Variants in ADAMTS7 observed in about 807,000 individuals in gnomAD.
The protein encoded by ADAMTS7 is A disintegrin and metalloproteinase with thrombospondin motifs 7.
In ADAMTS7, 89 loss-of-function variants were observed where a neutral mutation model predicts 172.6. The ratio of observed to expected loss-of-function variants is 0.52; its 90% confidence interval spans 0.43 to 0.61. The LOEUF (loss-of-function observed/expected upper bound fraction) is 0.61, where lower values mean the gene tolerates loss of function less well. ADAMTS7 is among the 20% of genes least tolerant of loss of function. The pLI, the probability that ADAMTS7 is intolerant of heterozygous loss-of-function variation, is 0.00. For missense variants in ADAMTS7, 1,973 were observed against 2,355.6 expected, an observed-to-expected ratio of 0.84 and a Z score of 3.36; for synonymous variants, 885 against 978.4, an observed-to-expected ratio of 0.90 and a Z score of 1.78.
chr15:78,784,375 A>G (rs2055472429), intron 8 of ADAMTS7, among the ~76,000 whole-genome samples: 1 of 130,134 alleles, frequency 7.7e-6, no homozygotes, highest in Admixed American at 7.7e-5. Context: ...AGAAAGAAAG[A>G]CAGAGAGAGA....
intron 6 of ADAMTS7, among the ~76,000 whole-genome samples, chr15:78,790,088 C>T (rs1038681423): frequency 6.6e-6 from 1 of 152,214 alleles, no homozygotes; most frequent in Admixed American, 6.5e-5. Flanking sequence ...TACTATCCAG[C>T]AGGGGTGCTG....
At chr15:78,797,344 A>T (rs116389769) in intron 3 of ADAMTS7, among the ~76,000 whole-genome samples, 1 of 152,246 alleles carries the variant, frequency 6.6e-6, no homozygotes, top group Admixed American at 6.5e-5. Flanking sequence ...GCCTCTGTGG[A>T]TATGTGCTCC....
At chr15:78,791,036 G>A (rs189373444) in intron 5 of ADAMTS7, 104 bp downstream of exon 5, 129 of 1,379,894 alleles carry the variant, frequency 9.3e-5, no homozygotes, top group Middle Eastern at 7.5e-4. Flanking sequence ...GGCCAAGGCG[G>A]CCTTCACTGT....
At chr15:78,776,717 C>A in intron 10 of ADAMTS7, 32 bp downstream of exon 10, 1 of 1,533,820 alleles carries the variant, frequency 6.5e-7, no homozygotes, top group Non-Finnish European at 8.8e-7. Context: ...GCCTCTCACA[C>A]ACCCACTGCC....
chr15:78,793,722 C>T (rs192648657), intron 4 of ADAMTS7, among the ~76,000 whole-genome samples: 1 of 152,224 alleles, frequency 6.6e-6, no homozygotes, highest in Admixed American at 6.5e-5. Flanking sequence ...AGCGATGGCT[C>T]TCAACAAGTC....
intron 23 of ADAMTS7, 137 bp downstream of exon 23, chr15:78,762,265 TG>T (rs1596169155): frequency 2.7e-6 from 3 of 1,127,576 alleles, no homozygotes; most frequent in African/African-American, 3.2e-5. Flanking sequence ...GGATTTTCAG[TG>T]GCCATGTGGC....
At chr15:78,790,305 C>A (rs556062515) in intron 6 of ADAMTS7, among the ~76,000 whole-genome samples, 24 of 152,210 alleles carry the variant, frequency 1.6e-4, no homozygotes, top group African/African-American at 5.8e-4. Context: ...CACACACACA[C>A]ACAAAGGGAA....
intron 8 of ADAMTS7, among the ~76,000 whole-genome samples, chr15:78,785,412 G>C (rs1193948849): frequency 6.6e-6 from 1 of 151,982 alleles, no homozygotes; most frequent in African/African-American, 2.4e-5. Context: ...GCTGGGCAGG[G>C]GTGGCAGGTG....
intron 14 of ADAMTS7, among the ~76,000 whole-genome samples, chr15:78,772,141 GC>G (rs2055262074): frequency 6.6e-6 from 1 of 152,076 alleles, no homozygotes; most frequent in Non-Finnish European, 1.5e-5. Flanking sequence ...AAGTGCCCAG[GC>G]CTTTCTCCTG....
chr15:78,779,265 T>G (rs1235788153), intron 8 of ADAMTS7, among the ~76,000 whole-genome samples: 1 of 152,186 alleles, frequency 6.6e-6, no homozygotes, highest in East Asian at 1.9e-4. Context: ...CATGCCAGGC[T>G]GGTCCAGGGT....
intron 8 of ADAMTS7, 101 bp from the exon 9 acceptor site, chr15:78,777,689 G>C (rs2055370938): frequency 7.0e-7 from 1 of 1,432,326 alleles, no homozygotes. Context: ...AGGGGGCACA[G>C]AGCCCTACAA....
rs2141467763 is a variant in ADAMTS7, at chr15:78,762,215, C to T, written c.4903+188G>A. On this transcript the variant is annotated intron_variant, in intron 23 of 23. Coordinates refer to ENST00000388820, the MANE Select transcript of ADAMTS7 (RefSeq NM_014272.5). ...GCCGGGACTCCCCTTGACTGACTCC[C>T]AGCACAGCCCAGCCTCCAGCATGGC... 4.1e-6 allele frequency: 3 copies of T among 736,116 alleles called. No homozygotes were observed. In the South Asian group the frequency reaches 1.8e-4, roughly 45 times the overall value. 45.6% of individuals were successfully genotyped at this position (736,116 alleles called of 1,614,324 possible).
intron 23 of ADAMTS7, among the ~76,000 whole-genome samples, chr15:78,761,141 T>A (rs1195669378): frequency 6.6e-6 from 1 of 151,830 alleles, no homozygotes; most frequent in African/African-American, 2.4e-5. Flanking sequence ...GGCCTTGAGG[T>A]TTGAGGCAGG....
In ADAMTS7 at chr15:78,777,771, C is replaced by T. The variant is rs941706501; in HGVS notation, c.1323-183G>A. On this transcript the variant is annotated intron_variant, in intron 8 of 23. Coordinates refer to ENST00000388820, the MANE Select transcript of ADAMTS7 (RefSeq NM_014272.5). Reference sequence around the variant, plus strand: ...CTGCAGCCAGCAGCACAGGCCCTCCCGGCCTCTCTCATCTCACCTCCTGGG... The same window carrying T: ...CTGCAGCCAGCAGCACAGGCCCTCCTGGCCTCTCTCATCTCACCTCCTGGG... Among the ~76,000 whole-genome samples, 8 of 152,320 alleles carry T rather than the reference C, an allele frequency of 5.3e-5. No individual in the cohort carries two copies. In the South Asian group the frequency reaches 1.0e-3, roughly 20 times the overall value.
rs934922895 is a variant in ADAMTS7 at position 78,771,939 on chromosome 15, C to A, written c.2132-110G>T. Reference sequence around the variant, plus strand: ...TTGCCTCCGCCTGCTGATGCCAAAGCTTTAAAGTCTGAGCTCCCTAAATTG... The same window carrying A: ...TTGCCTCCGCCTGCTGATGCCAAAGATTTAAAGTCTGAGCTCCCTAAATTG... On this transcript the variant is annotated intron_variant, in intron 14 of 23. Coordinates refer to ENST00000388820, the MANE Select transcript of ADAMTS7 (RefSeq NM_014272.5). This position sits in a 1 kb window ranked among gnomAD's most constrained non-coding sequence, Gnocchi z 4.9. 11 of 1,460,240 alleles carry A rather than the reference C, an allele frequency of 7.5e-6. No homozygotes were observed. The highest frequency in any genetic ancestry group is 2.5e-4 in the Middle Eastern group (1 of 4,000). 90.5% of individuals were successfully genotyped at this position (1,460,240 alleles called of 1,614,324 possible). A position where few individuals can be genotyped will look rare whatever the true frequency, so the allele number is the denominator to read the frequency against.
chr15:78,784,282 T>C (rs1217395910), intron 8 of ADAMTS7, among the ~76,000 whole-genome samples: 1 of 151,774 alleles, frequency 6.6e-6, no homozygotes, highest in African/African-American at 2.4e-5. Context: ...GGAGGATCAT[T>C]TGTGCCTGGG....
intron 16 of ADAMTS7, chr15:78,770,887 G>T (rs1443160063): frequency 1.4e-5 from 7 of 498,488 alleles, no homozygotes; most frequent in East Asian, 9.9e-5. Context: ...GGTCTATCGA[G>T]GGGGAGCTGT....
chr15:78,788,163 C>G, intron 8 of ADAMTS7, 68 bp downstream of exon 8: 3 of 1,588,342 alleles, frequency 1.9e-6, no homozygotes, highest in Non-Finnish European at 2.6e-6. Flanking sequence ...GTATGACTGT[C>G]TGCATCTCTC....
chr15:78,766,468 G>A lies in ADAMTS7; in HGVS notation c.3443C>T (p.Thr1148Ile), dbSNP rs1473462685. The A allele has an allele frequency of 1.3e-6, 2 of 1,550,116 alleles. No homozygotes were observed. Among genetic ancestry groups the A allele is most frequent in the Middle Eastern group, 4.8e-4 (2 of 4,142 alleles). The change falls in exon 19 of 24, where the codon ACC becomes ATC. Residue 1148 changes from threonine to isoleucine, a missense_variant. Thr to Ile is a moderately conservative substitution (Grantham distance 89, BLOSUM62 -1). Around this residue, in one of 8 missense-constraint regions of ADAMTS7, gnomAD observed 771 missense variants for 952.6 expected, o/e 0.81. Coordinates refer to ENST00000388820, the MANE Select transcript of ADAMTS7 (RefSeq NM_014272.5). ...GAAATTGATCAAAGGGTTCCCAGGG[G>A]TCTGCTCTGAGGGTGGGGGTGGGGA... ...GRSPPPPSEQ[T>I]PGNPLINFLP...
Sources: allele counts gnomAD v4.1 joint callset (sites outside exome capture counted in the v4.1 genomes callset), GRCh38; gene constraint gnomAD v4.1.1; regional missense constraint gnomAD v4.1.1; non-coding constraint Gnocchi (gnomAD v3.1); transcripts MANE v1.5; gene names NCBI Gene and HGNC (gene_info 2026-07-23, HGNC 2026-07-21).